The following PCDH9 variants were observed in gnomAD, a reference collection of about 807,000 sequenced individuals.
The protein encoded by PCDH9 is protocadherin-9.
A neutral mutation model predicts 70.6 loss-of-function variants in PCDH9; 24 were observed. The ratio of observed to expected loss-of-function variants is 0.34; its 90% CI spans 0.25 to 0.48. The LOEUF (loss-of-function observed/expected upper bound fraction) is 0.48. Ranked by LOEUF, PCDH9 falls within the 20% of genes least tolerant of loss-of-function variation. The pLI is 0.99. For missense variants in PCDH9, 1,281 were observed against 1,503.6 expected (o/e 0.85, Z 2.45); for synonymous variants, 562 against 558.5 (o/e 1.01, Z -0.09).
intron 4 of PCDH9, among the ~76,000 whole-genome samples, chr13:66,497,550 AC>A (rs1286957631): frequency 1.3e-5 from 2 of 152,074 alleles, no homozygotes; most frequent in Non-Finnish European, 2.9e-5. Context: ...CCATCTCTCT[AC>A]CTTTCTTTCT....
chr13:67,151,177 C>G (rs1462220794), intron 2 of PCDH9, among the ~76,000 whole-genome samples: 1 of 151,578 alleles, frequency 6.6e-6, no homozygotes, highest in East Asian at 2.0e-4. Flanking sequence ...TTGATGAGTA[C>G]CAATAGCTCC....
intron 3 of PCDH9, among the ~76,000 whole-genome samples, chr13:66,732,200 G>A (rs1401896085): frequency 6.6e-6 from 1 of 151,840 alleles, no homozygotes; most frequent in Non-Finnish European, 1.5e-5. Context: ...ACCTGTGTAA[G>A]ATGTGTCAGG....
At chr13:67,115,271 G>A (rs193235979) in intron 2 of PCDH9, among the ~76,000 whole-genome samples, 3 of 152,244 alleles carry the variant, frequency 2.0e-5, no homozygotes, top group African/African-American at 4.8e-5. Context: ...GTGAAGCCTG[G>A]GTGGGGTTTC....
chr13:66,628,173 G>T (rs2077523347), intron 4 of PCDH9, among the ~76,000 whole-genome samples: 1 of 152,060 alleles, frequency 6.6e-6, no homozygotes, highest in East Asian at 1.9e-4. Context: ...TAGATATTTG[G>T]TCTAGATGAA....
intron 4 of PCDH9, among the ~76,000 whole-genome samples, chr13:66,618,205 C>T (rs2077382156): frequency 6.6e-6 from 1 of 152,194 alleles, no homozygotes; most frequent in African/African-American, 2.4e-5. Context: ...GTCTGCGAGC[C>T]TGAAGTTTTG....
chr13:67,073,455 G>A (rs547095093), intron 2 of PCDH9, among the ~76,000 whole-genome samples: 28 of 152,066 alleles, frequency 1.8e-4, no homozygotes, highest in Non-Finnish European at 3.7e-4. Flanking sequence ...GCTGCTTAAA[G>A]TTGACTAATT....
At chr13:66,780,150 T>C (rs1415144684) in intron 3 of PCDH9, among the ~76,000 whole-genome samples, 1 of 152,052 alleles carries the variant, frequency 6.6e-6, no homozygotes, top group Admixed American at 6.6e-5. Flanking sequence ...TGCATAAGTA[T>C]GATTACTTCA....
At chr13:66,731,325 G>A (rs2139176080) in intron 3 of PCDH9, among the ~76,000 whole-genome samples, 1 of 152,154 alleles carries the variant, frequency 6.6e-6, no homozygotes, top group Middle Eastern at 3.4e-3. Context: ...CAGACATTTT[G>A]TATACAATTT....
In PCDH9 at chr13:67,183,293, T is replaced by A. The variant is rs141760514; in HGVS notation, c.3036+42112A>T. ...ACTATTAAGAAAAAAAACACAAAAC[T>A]AAGCATGTGAAGTGGAATTTGGGGT... On this transcript the variant is annotated intron_variant, in intron 2 of 4. Coordinates refer to ENST00000377865, the MANE Select transcript of PCDH9 (RefSeq NM_203487.3). Among the ~76,000 whole-genome samples, 394 of 152,204 alleles carry A rather than the reference T, an allele frequency of 2.6e-3. 2 individuals carry two copies. Among genetic ancestry groups the A allele is most frequent in the African/African-American group, 9.0e-3 (373 of 41,534 alleles).
intron 3 of PCDH9, among the ~76,000 whole-genome samples, chr13:66,841,349 TC>T (rs1364092970): frequency 6.6e-6 from 1 of 152,026 alleles, no homozygotes; most frequent in Non-Finnish European, 1.5e-5. Context: ...TTATGTGATT[TC>T]CCCCCACGCT....
intron 4 of PCDH9, among the ~76,000 whole-genome samples, chr13:66,461,290 A>C (rs982659727): frequency 2.6e-5 from 4 of 151,870 alleles, no homozygotes; most frequent in African/African-American, 9.7e-5. Context: ...AGTTACATCA[A>C]AACTAAATAA....
intron 4 of PCDH9, among the ~76,000 whole-genome samples, chr13:66,507,440 C>T (rs900830186): frequency 6.6e-6 from 1 of 152,138 alleles, no homozygotes; most frequent in Admixed American, 6.5e-5. Flanking sequence ...CTTTATGCCA[C>T]CCCTCTACTG....
At chr13:66,874,655 G>A (rs1453044280) in intron 3 of PCDH9, among the ~76,000 whole-genome samples, 1 of 151,924 alleles carries the variant, frequency 6.6e-6, no homozygotes, top group African/African-American at 2.4e-5. Flanking sequence ...AGGATACGCA[G>A]GGAAACATTT....
At chr13:66,469,038 G>C (rs968264268) in intron 4 of PCDH9, among the ~76,000 whole-genome samples, 2 of 152,086 alleles carry the variant, frequency 1.3e-5, no homozygotes, top group Admixed American at 1.3e-4. Context: ...ATTTTTCTAA[G>C]TTGTGTGTGT....
chr13:66,713,820 C>T (rs2139135965), intron 3 of PCDH9, among the ~76,000 whole-genome samples: 1 of 151,894 alleles, frequency 6.6e-6, no homozygotes, highest in South Asian at 2.1e-4. Context: ...AGATAAACAT[C>T]TTTAAGTCTA....
At chr13:66,846,136 CAAA>C (rs56199120) in intron 3 of PCDH9, among the ~76,000 whole-genome samples, 1,944 of 134,504 alleles carry the variant, frequency 0.014, 22 homozygotes, top group Middle Eastern at 0.024. Flanking sequence ...AAAAAAAGAC[CAAA>C]AAAAAAAAAA....
chr13:66,713,023 C>T (rs2078816409), intron 3 of PCDH9, among the ~76,000 whole-genome samples: 1 of 152,120 alleles, frequency 6.6e-6, no homozygotes, highest in Admixed American at 6.6e-5. Context: ...TTTGCCATTG[C>T]TTCCAGTGAA....
At chr13:66,692,907 A>G (rs1020172481) in intron 3 of PCDH9, among the ~76,000 whole-genome samples, 14 of 152,216 alleles carry the variant, frequency 9.2e-5, no homozygotes, top group African/African-American at 3.4e-4. Context: ...GGAATGGACT[A>G]TTTGAGGAAA....
intron 4 of PCDH9, among the ~76,000 whole-genome samples, chr13:66,563,974 G>T (rs538315130): frequency 1.6e-4 from 25 of 151,668 alleles, no homozygotes; most frequent in Non-Finnish European, 3.5e-4. Context: ...CAGCCCTTTC[G>T]ACAGAACATC....
Sources: gnomAD v4.1 joint callset for allele counts (sites outside exome capture counted in the v4.1 genomes callset) on GRCh38, gnomAD v4.1.1 for gene constraint, MANE v1.5 for transcripts, NCBI Gene and HGNC (gene_info 2026-07-23, HGNC 2026-07-21) for gene names.